The following FOSB variants were observed in gnomAD, a reference collection of about 807,000 sequenced individuals.
FOSB encodes FosB proto-oncogene, AP-1 transcription factor subunit, also known as protein FosB.
Under a neutral mutation model 31.1 loss-of-function variants are expected in FOSB, and 8 were observed. The observed-to-expected ratio is 0.26, with a 90% CI of 0.15 to 0.46. The LOEUF (loss-of-function observed/expected upper bound fraction) is 0.46, where lower values mean the gene tolerates loss of function less well. FOSB is among the 20% of genes least tolerant of loss of function. FOSB has a pLI of 0.99. For missense variants in FOSB, 376 were observed against 460.6 expected, an observed-to-expected ratio of 0.82 and a Z score of 1.68; for synonymous variants, 214 against 206.1, an observed-to-expected ratio of 1.04 and a Z score of -0.33.
rs751556188 is a variant in FOSB at position 45,473,028 on chromosome 19, AAAAC to A, written c.*26_*29del. The A allele has an allele frequency of 7.3e-5, 116 of 1,592,736 alleles. No individual in the cohort carries two copies. The highest frequency in any genetic ancestry group is 9.0e-5 in the Non-Finnish European group (105 of 1,170,658). On this transcript the variant is annotated 3_prime_UTR_variant, in exon 4 of 4. Coordinates refer to ENST00000353609, the MANE Select transcript of FOSB (RefSeq NM_006732.3). ...CGCTCTGTGAACTCTTTAGACACACAAAACAAACAAACACATGGGGGAGAGAGAC... is the reference window on the plus strand; with the variant it reads ...CGCTCTGTGAACTCTTTAGACACACAAAACAAACACATGGGGGAGAGAGAC...
Position 45,473,001 on chromosome 19 carries a change from C to G in FOSB, c.1006C>G (p.Leu336Val). The G allele has an allele frequency of 6.2e-7, 1 of 1,608,664 alleles. No individual in the cohort carries two copies. Among genetic ancestry groups the G allele is most frequent in the Non-Finnish European group, 8.5e-7 (1 of 1,179,776 alleles). ...PSDPLNSPSL[L>V]AL ...CGATCCCCTGAACTCGCCCTCCCTC[C>G]TCGCTCTGTGAACTCTTTAGACACA... The change falls in exon 4 of 4, where the codon CTC becomes GTC. Residue 336 changes from leucine (L) to valine (V), a missense_variant. By Grantham distance (32) the Leu-to-Val change is conservative. Transcript: ENST00000353609.
At position 45,474,906 on chromosome 19, in the gene FOSB, T is replaced by G. The variant is rs1160269225; in HGVS notation, c.*1894T>G. 6.6e-6 allele frequency: 1 copy of G among 152,118 alleles called. No homozygotes were observed. The highest frequency in any genetic ancestry group is 1.9e-4 in the East Asian group (1 of 5,198). The allele number at this position is 152,118 out of a possible 1,614,324, so 9.4% of individuals were successfully genotyped here. A position where few individuals can be genotyped will look rare whatever the true frequency, so the allele number is the denominator to read the frequency against. ...TCTGACTCTGGGTTCGTTGGGGACA[T>G]GAGATTTTATTTTTTGTGAGTGAGA... On this transcript the variant is annotated 3_prime_UTR_variant, in exon 4 of 4. Coordinates refer to ENST00000353609, the MANE Select transcript of FOSB (RefSeq NM_006732.3).
rs553864889 is a variant in FOSB at position 45,472,283 on chromosome 19, C to T, written c.556-268C>T. ...AACGATTGTTCATTCATTCAACAAA[C>T]CTCCTGCACACCAGAAACTTCCCCA... On this transcript the variant is annotated intron_variant, in intron 3 of 3. Transcript: ENST00000353609. This position sits in a 1 kb window ranked among gnomAD's most constrained non-coding sequence, Gnocchi z 5.4. Among the ~76,000 whole-genome samples, 1 of 152,284 alleles carries T rather than the reference C, an allele frequency of 6.6e-6. No homozygotes were observed. Among genetic ancestry groups the T allele is most frequent in the Non-Finnish European group, 1.5e-5 (1 of 68,024 alleles).
Position 45,472,645 on chromosome 19 carries a change from C to A in FOSB, c.650C>A (p.Ala217Asp), listed in dbSNP as rs770103371. ...GAACGTCTGGAGTTTGTGCTGGTGG[C>A]CCACAAACCGGGCTGCAAGATCCCC... ...EKERLEFVLV[A>D]HKPGCKIPYE... The change falls in exon 4 of 4, where the codon GCC becomes GAC. Residue 217 changes from alanine (A) to aspartate (D), a missense_variant. By Grantham distance (126) the Ala-to-Asp change is moderately radical (BLOSUM62 -2). Coordinates refer to ENST00000353609, the MANE Select transcript of FOSB (RefSeq NM_006732.3). The surrounding 1 kb of genome is among the most constrained non-coding windows in gnomAD (Gnocchi z 5.4). 2.5e-6 allele frequency: 4 copies of A among 1,587,554 alleles called. No homozygotes were observed. The highest frequency in any genetic ancestry group is 2.7e-5 in the African/African-American group (2 of 73,546).
At chr19:45,471,352 C>A in intron 3 of FOSB, 51 bp downstream of exon 3, 1 of 1,286,130 alleles carries the variant, frequency 7.8e-7, no homozygotes, top group Non-Finnish European at 1.1e-6. Context: ...GAGCTCTCTC[C>A]CCATTCTCTG....
chr19:45,472,492 C>T lies in FOSB; in HGVS notation c.556-59C>T. The T allele has an allele frequency of 3.6e-6, 5 of 1,381,486 alleles. No individual in the cohort carries two copies. The highest frequency in any genetic ancestry group is 9.6e-7 in the Non-Finnish European group (1 of 1,040,410). The allele number at this position is 1,381,486 out of a possible 1,614,324, so 85.6% of individuals were successfully genotyped here. On this transcript the variant is annotated intron_variant, in intron 3 of 3. Transcript: ENST00000353609. The surrounding 1 kb of genome is among the most constrained non-coding windows in gnomAD (Gnocchi z 5.4). ...AGCCATGACCCGAGTTTCCCGGTCA[C>T]TGACATGCTTTTTTCTCCTTCCTCT... is the stretch of plus-strand genomic sequence containing the variant.
chr19:45,473,067 G>C lies in FOSB; in HGVS notation c.*55G>C, dbSNP rs571301313. The C allele has an allele frequency of 1.4e-5, 21 of 1,487,278 alleles. No homozygotes were observed. Among genetic ancestry groups the C allele is most frequent in the South Asian group, 2.4e-5 (2 of 83,122 alleles). The allele number at this position is 1,487,278 out of a possible 1,614,324, so 92.1% of individuals were successfully genotyped here. A position where few individuals can be genotyped will look rare whatever the true frequency, so the allele number is the denominator to read the frequency against. Reference sequence around the variant, plus strand: ...CATGGGGGAGAGAGACTTGGAAGAGGAGGAGGAGGAGGAGAAGGAGGAGAG... The same window carrying C: ...CATGGGGGAGAGAGACTTGGAAGAGCAGGAGGAGGAGGAGAAGGAGGAGAG... On this transcript the variant is annotated 3_prime_UTR_variant, in exon 4 of 4. Transcript: ENST00000353609.
At chr19:45,471,496 T>TCCCCCCCCCCCCCCCCCCCCCC (rs3831491) in intron 3 of FOSB, 195 bp downstream of exon 3, 1 of 362,734 alleles carries the variant, frequency 2.8e-6, no homozygotes, top group South Asian at 4.3e-5. Context: ...CAACTCCTGG[T>TCCCCCCCCCCCCCCCCCCCCCC]CCCCCCCCCA....
At chr19:45,471,044 G>T (rs986241559) in intron 2 of FOSB, 95 bp downstream of exon 2, 1 of 1,393,810 alleles carries the variant, frequency 7.2e-7, no homozygotes, top group Non-Finnish European at 1.0e-6. Context: ...TAAGGCCTCA[G>T]TGTTACAGAA....
Position 45,473,206 on chromosome 19 carries a change from C to T in FOSB, c.*194C>T. 1.7e-6 allele frequency: 1 copy of T among 588,682 alleles called. No homozygotes were observed. The highest frequency in any genetic ancestry group is 3.0e-5 in the East Asian group (1 of 33,440). 36.5% of individuals were successfully genotyped at this position (588,682 alleles called of 1,614,324 possible). The stretch of plus-strand genomic sequence containing the variant: ...GGATTCCTTGTGTTTTGTCCTGCCT[C>T]TTGTTTCTGTGCCCCGGCGAGGCCG... On this transcript the variant is annotated 3_prime_UTR_variant, in exon 4 of 4. Coordinates refer to ENST00000353609, the MANE Select transcript of FOSB (RefSeq NM_006732.3).
In FOSB at chr19:45,471,478, A is replaced by G. The variant is rs539968790; in HGVS notation, c.555+177A>G. 37 of 496,230 alleles carry G rather than the reference A, an allele frequency of 7.5e-5. No homozygotes were observed. The African/African-American group carries it at 7.7e-4, about 10-fold the overall frequency. The allele number at this position is 496,230 out of a possible 1,614,324, so 30.7% of individuals were successfully genotyped here. A position where few individuals can be genotyped will look rare whatever the true frequency, so the allele number is the denominator to read the frequency against. On this transcript the variant is annotated intron_variant, in intron 3 of 3. Transcript: ENST00000353609. ...AGGGCACAAACACAGACCCCCATGGACTTAAGTCAACTCCTGGTCCCCCCC... is the reference window on the plus strand; with the variant it reads ...AGGGCACAAACACAGACCCCCATGGGCTTAAGTCAACTCCTGGTCCCCCCC...
rs778135128 is a variant in FOSB at position 45,472,758 on chromosome 19, C to T, written c.763C>T (p.Leu255=). The T allele has an allele frequency of 3.1e-6, 5 of 1,613,764 alleles. No homozygotes were observed. Among genetic ancestry groups the T allele is most frequent in the Non-Finnish European group, 3.4e-6 (4 of 1,179,946 alleles). Residue 255 remains leucine, a synonymous_variant, in exon 4 of 4, where the codon CTG becomes TTG. Transcript: ENST00000353609. This position sits in a 1 kb window ranked among gnomAD's most constrained non-coding sequence, Gnocchi z 5.4. ...GGCTAAGGAAGATGGCTTCAGCTGGCTGCTGCCGCCCCCGCCACCACCGCC... is the reference window on the plus strand; with the variant it reads ...GGCTAAGGAAGATGGCTTCAGCTGGTTGCTGCCGCCCCCGCCACCACCGCC... ...APAKEDGFSW[L]LPPPPPPPLP... is the part of the protein sequence containing the mutation.
chr19:45,474,736 CG>C lies in FOSB; in HGVS notation c.*1727del, dbSNP rs1967794294. ...CTAGAAACTCTGGCTCAGCCTGTCTCGGGCTGACCCTTTTCTGATCGTCTCG... is the reference window on the plus strand; with the variant it reads ...CTAGAAACTCTGGCTCAGCCTGTCTCGGCTGACCCTTTTCTGATCGTCTCG... On this transcript the variant is annotated 3_prime_UTR_variant, in exon 4 of 4. Coordinates refer to ENST00000353609, the MANE Select transcript of FOSB (RefSeq NM_006732.3). 1 of 152,038 alleles carries C rather than the reference CG, an allele frequency of 6.6e-6. No individual in the cohort carries two copies. The allele number at this position is 152,038 out of a possible 1,614,324, so 9.4% of individuals were successfully genotyped here. A position where few individuals can be genotyped will look rare whatever the true frequency, so the allele number is the denominator to read the frequency against.
chr19:45,470,247 G>T, intron 1 of FOSB: 1 of 243,320 alleles, frequency 4.1e-6, no homozygotes, highest in Non-Finnish European at 8.0e-6. Flanking sequence ...TGGGGTGGGG[G>T]TGGGGTGTTG....
rs1967483949 is a variant in FOSB, at chr19:45,468,098, T to C, written c.-489T>C. 1 of 106,192 alleles carries C rather than the reference T, an allele frequency of 9.4e-6. No homozygotes were observed. The highest frequency in any genetic ancestry group is 3.6e-4 in the South Asian group (1 of 2,756). The allele number at this position is 106,192 out of a possible 1,614,324, so 6.6% of individuals were successfully genotyped here. A position where few individuals can be genotyped will look rare whatever the true frequency, so the allele number is the denominator to read the frequency against. ...CTTGGGGGTTATGAAATTTCATTAA[T>C]CTTTTTTTTTCCGGGGAGAAAGTTT... On this transcript the variant is annotated 5_prime_UTR_variant, in exon 1 of 4. Transcript: ENST00000353609. The surrounding 1 kb of genome is among the most constrained non-coding windows in gnomAD (Gnocchi z 4.8).
Position 45,468,106 on chromosome 19 carries a change from T to C in FOSB, c.-481T>C, listed in dbSNP as rs1967484708. Reference sequence around the variant, plus strand: ...TTATGAAATTTCATTAATCTTTTTTTTTCCGGGGAGAAAGTTTTTGGAAAG... The same window carrying C: ...TTATGAAATTTCATTAATCTTTTTTCTTCCGGGGAGAAAGTTTTTGGAAAG... On this transcript the variant is annotated 5_prime_UTR_variant, in exon 1 of 4. Coordinates refer to ENST00000353609, the MANE Select transcript of FOSB (RefSeq NM_006732.3). This position sits in a 1 kb window ranked among gnomAD's most constrained non-coding sequence, Gnocchi z 4.8. 1 of 152,420 alleles carries C rather than the reference T, an allele frequency of 6.6e-6. No homozygotes were observed. The highest frequency in any genetic ancestry group is 6.6e-5 in the Admixed American group (1 of 15,256). The allele number at this position is 152,420 out of a possible 1,614,324, so 9.4% of individuals were successfully genotyped here.
Position 45,472,706 on chromosome 19 carries a change from G to C in FOSB, c.711G>C (p.Glu237Asp). The change falls in exon 4 of 4, where the codon GAG (glutamate) becomes GAC (aspartate). Residue 237 changes from glutamate (E) to aspartate (D), a missense_variant. Physicochemically the swap from Glu to Asp is conservative, Grantham distance 45. Around this residue, in one of 3 missense-constraint regions of FOSB, gnomAD observed 148 missense variants for 170.0 expected, o/e 0.87. Transcript: ENST00000353609. This position sits in a 1 kb window ranked among gnomAD's most constrained non-coding sequence, Gnocchi z 5.4. ...EEGPGPGPLA[E>D]VRDLPGSAPA... ...GGCCCGGGCCGGGCCCGCTGGCGGA[G>C]GTGAGAGATTTGCCGGGCTCAGCAC... The C allele has an allele frequency of 6.2e-7, 1 of 1,610,056 alleles. No individual in the cohort carries two copies. Among genetic ancestry groups the C allele is most frequent in the Non-Finnish European group, 8.5e-7 (1 of 1,178,064 alleles).
chr19:45,471,496 T>TCCCCCC (rs3831491), intron 3 of FOSB, 195 bp downstream of exon 3: 33 of 377,154 alleles, frequency 8.7e-5, no homozygotes, highest in Admixed American at 2.7e-4. Flanking sequence ...CAACTCCTGG[T>TCCCCCC]CCCCCCCCCA....
chr19:45,469,293 G>T (rs75390744), intron 1 of FOSB, among the ~76,000 whole-genome samples: 1 of 152,342 alleles, frequency 6.6e-6, no homozygotes, highest in East Asian at 1.9e-4. Flanking sequence ...ACGGCGCGCG[G>T]CGCCCCCTTC....
Sources: gnomAD v4.1 joint callset for allele counts (sites outside exome capture counted in the v4.1 genomes callset) on GRCh38, gnomAD v4.1.1 for gene constraint, gnomAD v4.1.1 regional missense constraint, Gnocchi (gnomAD v3.1) non-coding constraint, MANE v1.5 for transcripts, NCBI Gene and HGNC (gene_info 2026-07-23, HGNC 2026-07-21) for gene names.